CADPS: variants seen among roughly 807,000 people sequenced by gnomAD.
CADPS encodes calcium-dependent secretion activator 1.
Under a neutral mutation model 167.3 loss-of-function variants are expected in CADPS, and 57 were observed. The ratio of observed to expected loss-of-function variants is 0.34; its 90% CI spans 0.28 to 0.42. The LOEUF is 0.42. Among genes scored for constraint, CADPS ranks in the 20% least tolerant of loss-of-function variants. The pLI is 1.00. For missense variants in CADPS, 1,414 were observed against 1,738.1 expected (o/e 0.81, Z 3.32); for synonymous variants, 676 against 635.3 (o/e 1.06, Z -0.96).
chr3:62,788,308 CAATT>C lies in CADPS; in HGVS notation c.442-22328_442-22325del, dbSNP rs1352872195. Among the ~76,000 whole-genome samples the C allele has an allele frequency of 2.0e-5, 3 of 152,168 alleles. No homozygotes were observed. In the South Asian group the frequency reaches 6.2e-4, roughly 32 times the overall value. On this transcript the variant is annotated intron_variant, in intron 1 of 29. Transcript: ENST00000383710. ...CTTATAACCATACGTATTGTTACTT[CAATT>C]TCCTCTAGAGTTCTGCTTGTGTGGC...
At chr3:62,548,882 T>C (rs1474576940) in intron 11 of CADPS, among the ~76,000 whole-genome samples, 1 of 152,260 alleles carries the variant, frequency 6.6e-6, no homozygotes, top group Non-Finnish European at 1.5e-5. Context: ...ACATTCTTCA[T>C]GGTATTTACC....
chr3:62,772,971 C>T (rs544800926), intron 1 of CADPS, among the ~76,000 whole-genome samples: 2 of 152,030 alleles, frequency 1.3e-5, no homozygotes, highest in African/African-American at 4.8e-5. Flanking sequence ...TAATATAAGC[C>T]ATGCTTTTTC....
chr3:62,771,441 G>A (rs1466984152), intron 1 of CADPS, among the ~76,000 whole-genome samples: 2 of 152,066 alleles, frequency 1.3e-5, no homozygotes, highest in East Asian at 3.9e-4. Context: ...ATCAACTGTG[G>A]GACAGAGTTT....
chr3:62,524,834 G>A (rs1452112711), intron 13 of CADPS, among the ~76,000 whole-genome samples: 2 of 152,096 alleles, frequency 1.3e-5, no homozygotes, highest in African/African-American at 4.8e-5. Context: ...AGGAAAGCAT[G>A]CATTTTACCC....
intron 27 of CADPS, among the ~76,000 whole-genome samples, chr3:62,443,312 G>A (rs1325557718): frequency 3.9e-5 from 6 of 152,282 alleles, no homozygotes; most frequent in Admixed American, 1.3e-4. Context: ...ACTTTATAAC[G>A]CTTGGTTGTA....
chr3:62,656,653 C>T (rs554635127), intron 4 of CADPS, among the ~76,000 whole-genome samples: 1 of 152,158 alleles, frequency 6.6e-6, no homozygotes, highest in Non-Finnish European at 1.5e-5. Context: ...CACCATTACC[C>T]AGACAATGTG....
intron 12 of CADPS, among the ~76,000 whole-genome samples, chr3:62,535,854 G>A (rs1374468784): frequency 6.6e-6 from 1 of 151,806 alleles, no homozygotes; most frequent in Admixed American, 6.6e-5. Flanking sequence ...TGATACTCCT[G>A]CTGGATAGAT....
intron 3 of CADPS, among the ~76,000 whole-genome samples, chr3:62,693,772 G>A (rs2079683615): frequency 7.2e-6 from 1 of 139,256 alleles, no homozygotes; most frequent in Admixed American, 7.6e-5. Context: ...GTGACAGAAT[G>A]GGACTCCATC....
chr3:62,436,846 G>A (rs2055168074), intron 28 of CADPS, among the ~76,000 whole-genome samples: 1 of 151,886 alleles, frequency 6.6e-6, no homozygotes, highest in African/African-American at 2.4e-5. Flanking sequence ...AGCACAGAAA[G>A]GGGACGATTG....
chr3:62,453,264 TA>T (rs1391706501), intron 26 of CADPS, among the ~76,000 whole-genome samples: 2 of 152,042 alleles, frequency 1.3e-5, no homozygotes, highest in African/African-American at 4.8e-5. Flanking sequence ...TGTGTTTTTT[TA>T]AAAAAAATTA....
At chr3:62,690,725 T>A (rs2151280019) in intron 3 of CADPS, among the ~76,000 whole-genome samples, 1 of 151,588 alleles carries the variant, frequency 6.6e-6, no homozygotes, top group African/African-American at 2.4e-5. Flanking sequence ...AACAGAGGGG[T>A]GAGGGAGAGA....
At chr3:62,518,655 T>C (rs934881896) in intron 13 of CADPS, among the ~76,000 whole-genome samples, 7 of 152,170 alleles carry the variant, frequency 4.6e-5, no homozygotes, top group Non-Finnish European at 1.0e-4. Flanking sequence ...GCATTATTAA[T>C]TGGTGGCTAA....
intron 7 of CADPS, among the ~76,000 whole-genome samples, chr3:62,585,883 C>T (rs554676812): frequency 6.6e-6 from 1 of 152,330 alleles, no homozygotes; most frequent in Non-Finnish European, 1.5e-5. Flanking sequence ...GAAATCTTAT[C>T]ACACAACATC....
intron 1 of CADPS, among the ~76,000 whole-genome samples, chr3:62,864,357 T>C (rs2081319937): frequency 6.6e-6 from 1 of 152,160 alleles, no homozygotes. Context: ...CTGAGACAGA[T>C]GGTATGGACA....
intron 21 of CADPS, among the ~76,000 whole-genome samples, chr3:62,487,772 T>C (rs935027673): frequency 6.6e-6 from 1 of 152,228 alleles, no homozygotes; most frequent in Non-Finnish European, 1.5e-5. Flanking sequence ...CTTAATTGTA[T>C]CAAGCCTAAA....
intron 24 of CADPS, among the ~76,000 whole-genome samples, chr3:62,468,179 G>A (rs945204682): frequency 1.2e-4 from 18 of 152,100 alleles, no homozygotes; most frequent in Non-Finnish European, 8.8e-5. Context: ...AGATGTCAGA[G>A]CAAAAGAATT....
chr3:62,547,589 C>CCCA (rs1553906124), intron 11 of CADPS, among the ~76,000 whole-genome samples: 6 of 86,120 alleles, frequency 7.0e-5, no homozygotes, highest in Non-Finnish European at 1.4e-4. Context: ...CATTTACGCC[C>CCCA]CCCCCCCCCC....
chr3:62,632,265 A>G (rs2065421834), intron 6 of CADPS, among the ~76,000 whole-genome samples: 1 of 152,204 alleles, frequency 6.6e-6, no homozygotes, highest in Non-Finnish European at 1.5e-5. Flanking sequence ...TATAGGGATC[A>G]TGAGTAATAT....
At chr3:62,856,363 A>C (rs1036489915) in intron 1 of CADPS, among the ~76,000 whole-genome samples, 5 of 152,172 alleles carry the variant, frequency 3.3e-5, no homozygotes, top group African/African-American at 1.2e-4. Context: ...ATCAATGCAG[A>C]GATATTCCTA....
Sources: allele counts gnomAD v4.1 joint callset (sites outside exome capture counted in the v4.1 genomes callset), GRCh38; gene constraint gnomAD v4.1.1; transcripts MANE v1.5; gene names NCBI Gene and HGNC (gene_info 2026-07-23, HGNC 2026-07-21).